Variants in FOXK2 observed in about 807,000 individuals in gnomAD.
FOXK2 encodes the protein forkhead box K2.
FOXK2 carries 24 observed loss-of-function variants against 53.3 expected under a neutral mutation model. That is an observed-to-expected ratio of 0.45 (90% CI 0.33 to 0.63). The LOEUF is 0.63. Ranked by LOEUF, FOXK2 falls within the 30% of genes least tolerant of loss-of-function variation. FOXK2 has a pLI of 0.03. For synonymous variants in FOXK2, 505 were observed against 407.1 expected (o/e 1.24, Z -2.89); for missense variants, 952 against 910.5 (o/e 1.05, Z -0.59).
chr17:82,550,807 A>G (rs1226274600), intron 1 of FOXK2, among the ~76,000 whole-genome samples: 1 of 151,796 alleles, frequency 6.6e-6, no homozygotes, highest in East Asian at 2.0e-4. Flanking sequence ...GCCGGCCCTG[A>G]GGTGGGCTTT....
chr17:82,585,934 T>TCACCG lies in FOXK2; in HGVS notation c.1311_1315dup (p.Val439AlafsTer22). On this transcript the variant is annotated frameshift_variant, in exon 7 of 9. Coordinates refer to ENST00000335255, the MANE Select transcript of FOXK2 (RefSeq NM_004514.4). LOFTEE classifies it high-confidence loss of function. ...CCTCTGTCCAGTCAGCCAGTCTTAA[T>TCACCG]CACCGTCCAGCGGCAGCTACCACAG... The TCACCG allele has an allele frequency of 6.2e-7, 1 of 1,612,494 alleles. No individual in the cohort carries two copies. The highest frequency in any genetic ancestry group is 8.5e-7 in the Non-Finnish European group (1 of 1,179,700).
chr17:82,585,388 G>C (rs1039337331), intron 6 of FOXK2: 1 of 152,890 alleles, frequency 6.5e-6, no homozygotes, highest in Non-Finnish European at 1.5e-5. Context: ...ACAGTGACGT[G>C]TTCTTGGCTC....
At chr17:82,599,296 C>T (rs1747411993) in intron 8 of FOXK2, 1 of 152,078 alleles carries the variant, frequency 6.6e-6, no homozygotes, top group Admixed American at 6.5e-5. Context: ...GATGGTGTTT[C>T]ACCATGCTGG....
intron 1 of FOXK2, among the ~76,000 whole-genome samples, chr17:82,537,679 A>G (rs1226533783): frequency 6.7e-6 from 1 of 149,878 alleles, no homozygotes; most frequent in Non-Finnish European, 1.5e-5. Flanking sequence ...GTTTGCCAAC[A>G]CTTTTGGAGG....
chr17:82,551,326 A>T (rs1426312159), intron 1 of FOXK2, among the ~76,000 whole-genome samples: 1 of 47,082 alleles, frequency 2.1e-5, no homozygotes, highest in African/African-American at 6.3e-5. Context: ...CAAAAAAAAA[A>T]ATTAAAAAAA....
chr17:82,552,768 G>A (rs1018017533), intron 1 of FOXK2, among the ~76,000 whole-genome samples: 6 of 152,098 alleles, frequency 3.9e-5, no homozygotes, highest in African/African-American at 1.4e-4. Flanking sequence ...GCACTTGGCT[G>A]AGGTGGTTGA....
chr17:82,596,073 T>G, intron 8 of FOXK2: 1 of 1,105,100 alleles, frequency 9.0e-7, no homozygotes, highest in Non-Finnish European at 1.1e-6. Context: ...GTCTGCACAT[T>G]TTTTGTAGAC....
At chr17:82,566,798 GA>G (rs2044857021) in intron 2 of FOXK2, among the ~76,000 whole-genome samples, 1 of 152,120 alleles carries the variant, frequency 6.6e-6, no homozygotes, top group South Asian at 2.1e-4. Context: ...TTGTCAGGGG[GA>G]ACCCAGGTCC....
intron 8 of FOXK2, among the ~76,000 whole-genome samples, chr17:82,592,655 C>G (rs796231021): frequency 1.2e-4 from 18 of 152,370 alleles, no homozygotes; most frequent in African/African-American, 4.3e-4. Context: ...GCTCTTCTTC[C>G]TTGTGTAGCA....
At chr17:82,554,697 C>T (rs1046049964) in intron 1 of FOXK2, among the ~76,000 whole-genome samples, 1 of 151,568 alleles carries the variant, frequency 6.6e-6, no homozygotes, top group Admixed American at 6.6e-5. Flanking sequence ...GATTCCTAGT[C>T]TATACTGAGC....
intron 2 of FOXK2, among the ~76,000 whole-genome samples, chr17:82,565,841 A>G (rs1394627982): frequency 6.6e-6 from 1 of 152,212 alleles, no homozygotes; most frequent in Non-Finnish European, 1.5e-5. Flanking sequence ...TCTTGAAGAA[A>G]TATTTGTATG....
chr17:82,601,393 A>G lies in FOXK2; in HGVS notation c.1877A>G (p.Gln626Arg). The part of the protein sequence containing the change: ...TKRHNGDQPE[Q>R]PELKRIKTED... The stretch of plus-strand genomic sequence containing the variant: ...CGCCACAACGGTGACCAGCCGGAGC[A>G]GCCGGAGCTGAAGCGGATCAAGACA... The change falls in exon 9 of 9, where the codon CAG becomes CGG. Residue 626 changes from glutamine (Q) to arginine (R), a missense_variant. Around this residue, in one of 5 missense-constraint regions of FOXK2, gnomAD observed 551 missense variants for 385.1 expected, o/e 1.43. Transcript: ENST00000335255. 6.2e-7 allele frequency: 1 copy of G among 1,613,396 alleles called. No individual in the cohort carries two copies. The highest frequency in any genetic ancestry group is 8.5e-7 in the Non-Finnish European group (1 of 1,180,030).
At chr17:82,547,235 T>C (rs1038362570) in intron 1 of FOXK2, among the ~76,000 whole-genome samples, 1 of 152,178 alleles carries the variant, frequency 6.6e-6, no homozygotes, top group Non-Finnish European at 1.5e-5. Context: ...CACATTGTAG[T>C]ATTGTGGTTC....
intron 1 of FOXK2, among the ~76,000 whole-genome samples, chr17:82,538,092 C>T (rs1171957139): frequency 1.3e-5 from 2 of 150,548 alleles, no homozygotes; most frequent in African/African-American, 2.5e-5. Flanking sequence ...GCATGATGGT[C>T]GGTGCCTGTA....
In FOXK2 at chr17:82,563,523, C is replaced by T. The variant is rs751659158; in HGVS notation, c.589C>T (p.Leu197=). 1.2e-6 allele frequency: 2 copies of T among 1,613,978 alleles called. No homozygotes were observed. The highest frequency in any genetic ancestry group is 1.7e-6 in the Non-Finnish European group (2 of 1,179,900). The change falls in exon 2 of 9, where the codon CTG becomes TTG. Residue 197 remains leucine (L), a synonymous_variant. Coordinates refer to ENST00000335255, the MANE Select transcript of FOXK2 (RefSeq NM_004514.4). ...CACCATGGCCCACCTCATCAGCCCT[C>T]TGCCCTCCCCCACGGGAACCATCAG... is the stretch of plus-strand genomic sequence containing the variant. ...PDTMAHLISP[L]PSPTGTISAA... is the part of the protein sequence containing the mutation.
At chr17:82,576,847 A>G (rs1228327806) in intron 4 of FOXK2, 3 of 540,082 alleles carry the variant, frequency 5.6e-6, no homozygotes, top group Non-Finnish European at 1.0e-5. Context: ...GCTGTTCTTC[A>G]ATATATTTTT....
intron 6 of FOXK2, among the ~76,000 whole-genome samples, chr17:82,584,621 C>T (rs1225989455): frequency 2.2e-5 from 3 of 136,804 alleles, no homozygotes; most frequent in South Asian, 2.4e-4. Flanking sequence ...TGGCTCGTTG[C>T]AACCTCTGCC....
chr17:82,586,027 T>C lies in FOXK2; in HGVS notation c.1403T>C (p.Val468Ala). The change falls in exon 7 of 9, where the codon GTG (valine) becomes GCG (alanine). Residue 468 changes from valine to alanine, a missense_variant. By Grantham distance (64) the Val-to-Ala change is moderately conservative. Coordinates refer to ENST00000335255, the MANE Select transcript of FOXK2 (RefSeq NM_004514.4). ...VTTSTSQPPV[V>A]QTVHVVHQIP... ...ACCTCGACCTCCCAGCCACCCGTCGTGCAGACGGTTCACGTCGTCCACCAG... is the reference window on the plus strand; with the variant it reads ...ACCTCGACCTCCCAGCCACCCGTCGCGCAGACGGTTCACGTCGTCCACCAG... The C allele has an allele frequency of 3.1e-6, 5 of 1,612,848 alleles. No individual in the cohort carries two copies. Among genetic ancestry groups the C allele is most frequent in the Non-Finnish European group, 3.4e-6 (4 of 1,179,988 alleles).
intron 8 of FOXK2, among the ~76,000 whole-genome samples, chr17:82,587,956 G>A (rs1041055081): frequency 1.3e-4 from 20 of 152,254 alleles, no homozygotes; most frequent in South Asian, 1.2e-3. Context: ...AGGCAAATCC[G>A]AAGCTACCGA....
Sources: gnomAD v4.1 joint callset for allele counts (sites outside exome capture counted in the v4.1 genomes callset) on GRCh38, gnomAD v4.1.1 for gene constraint, gnomAD v4.1.1 regional missense constraint, MANE v1.5 for transcripts, NCBI Gene and HGNC (gene_info 2026-07-23, HGNC 2026-07-21) for gene names.